The following UGGT1 variants were observed in gnomAD, a reference collection of about 807,000 sequenced individuals.
UGGT1 encodes the protein UDP-glucose glycoprotein glucosyltransferase 1.
Under a neutral mutation model 203.9 loss-of-function variants are expected in UGGT1, and 107 were observed. The observed-to-expected ratio is 0.52, with a 90% CI of 0.45 to 0.62. The LOEUF (loss-of-function observed/expected upper bound fraction) is 0.62, where lower values mean the gene tolerates loss of function less well. UGGT1 is among the 20% of genes least tolerant of loss of function. The pLI, the probability that UGGT1 is intolerant of heterozygous loss-of-function variation, is 0.00. For synonymous variants in UGGT1, 628 were observed against 653.5 expected, an observed-to-expected ratio of 0.96 and a Z score of 0.59; for missense variants, 1,673 against 1,867.2, an observed-to-expected ratio of 0.90 and a Z score of 1.92.
chr2:128,108,468 G>A (rs1687703814), intron 4 of UGGT1, among the ~76,000 whole-genome samples: 1 of 152,062 alleles, frequency 6.6e-6, no homozygotes, highest in Non-Finnish European at 1.5e-5. Context: ...AATCGTTGTA[G>A]TAAAGTAATC....
intron 5 of UGGT1, among the ~76,000 whole-genome samples, chr2:128,111,048 G>A (rs7589121): frequency 0.9 from 137,034 of 152,212 alleles, 62,462 homozygotes; most frequent in Non-Finnish European, 0.98. Flanking sequence ...AAGTTTTAAA[G>A]TTTATGAGGA....
chr2:128,151,256 T>A, intron 18 of UGGT1: 1 of 599,334 alleles, frequency 1.7e-6, no homozygotes, highest in Admixed American at 2.2e-5. Context: ...TGCTTGAAAG[T>A]CTTACCTTCC....
At position 128,186,805 on chromosome 2, in the gene UGGT1, C is replaced by A; in HGVS notation, c.4476+6C>A. On this transcript the variant is annotated splice_donor_region_variant and intron_variant, in intron 39 of 40. Transcript: ENST00000259253. ...GGGCAAAAACCATTGATTTGGTAAG[C>A]CGTATGTGGTGTGCTTCTGCATGTT... 6.2e-7 allele frequency: 1 copy of A among 1,605,434 alleles called. No homozygotes were observed. Among genetic ancestry groups the A allele is most frequent in the Non-Finnish European group, 8.5e-7 (1 of 1,173,758 alleles).
intron 29 of UGGT1, 120 bp from the exon 30 acceptor site, chr2:128,173,661 A>T: frequency 8.3e-7 from 1 of 1,199,438 alleles, no homozygotes; most frequent in Non-Finnish European, 1.2e-6. Context: ...TGAATTTCTT[A>T]AAATATGATC....
intron 1 of UGGT1, among the ~76,000 whole-genome samples, chr2:128,096,700 G>A (rs916593122): frequency 2.0e-5 from 3 of 152,132 alleles, no homozygotes; most frequent in African/African-American, 7.2e-5. Context: ...GAGGTACCGG[G>A]GGATAGGATT....
In UGGT1 at chr2:128,174,753, G is replaced by T. The variant is rs1436855787; in HGVS notation, c.3454-20G>T. 3 of 1,600,084 alleles carry T rather than the reference G, an allele frequency of 1.9e-6. No individual in the cohort carries two copies. In the South Asian group the frequency reaches 3.4e-5, roughly 18 times the overall value. ...TTGGTGTTTTGAAGAGAGCTAACTG[G>T]ACTTTTCTTCTTGTCCTAGGGCTAC... is the stretch of plus-strand genomic sequence containing the variant. On this transcript the variant is annotated intron_variant, in intron 30 of 40. Coordinates refer to ENST00000259253, the MANE Select transcript of UGGT1 (RefSeq NM_020120.4).
chr2:128,132,512 C>T (rs1019914233), intron 13 of UGGT1, among the ~76,000 whole-genome samples: 11 of 152,236 alleles, frequency 7.2e-5, no homozygotes, highest in Admixed American at 6.5e-4. Flanking sequence ...TGCTCCACTG[C>T]ACTTCAGCCT....
chr2:128,133,885 G>GA (rs61530259), intron 14 of UGGT1, among the ~76,000 whole-genome samples: 1 of 150,734 alleles, frequency 6.6e-6, no homozygotes, highest in African/African-American at 2.5e-5. Flanking sequence ...GAGAGAGAGA[G>GA]GGTTCTTCAT....
chr2:128,183,872 A>G, intron 38 of UGGT1, 83 bp downstream of exon 38: 4 of 1,009,658 alleles, frequency 4.0e-6, no homozygotes, highest in Non-Finnish European at 6.1e-6. Flanking sequence ...TTGTGTCTTC[A>G]GTCCTCTCCT....
intron 14 of UGGT1, among the ~76,000 whole-genome samples, chr2:128,134,616 T>G (rs1472160448): frequency 6.6e-6 from 1 of 152,190 alleles, no homozygotes; most frequent in Non-Finnish European, 1.5e-5. Flanking sequence ...TTTGGTGTAG[T>G]AGAAAAAGCG....
At chr2:128,115,497 A>C (rs973589971) in intron 7 of UGGT1, among the ~76,000 whole-genome samples, 2 of 151,392 alleles carry the variant, frequency 1.3e-5, no homozygotes, top group Admixed American at 6.6e-5. Flanking sequence ...AAAAAAAAAA[A>C]AAAAAAAACA....
At chr2:128,170,786 C>T (rs1457149973) in intron 27 of UGGT1, among the ~76,000 whole-genome samples, 2 of 152,148 alleles carry the variant, frequency 1.3e-5, no homozygotes, top group Admixed American at 6.5e-5. Flanking sequence ...CAGTGTGTTA[C>T]AATTTTAGGA....
chr2:128,108,645 T>C (rs1687713051), intron 4 of UGGT1, among the ~76,000 whole-genome samples: 1 of 142,434 alleles, frequency 7.0e-6, no homozygotes, highest in Non-Finnish European at 1.5e-5. Flanking sequence ...TTATTTTTTA[T>C]TATAAAATAA....
chr2:128,179,936 CT>C (rs1182463375), intron 35 of UGGT1, 66 bp downstream of exon 35: 3 of 1,484,100 alleles, frequency 2.0e-6, no homozygotes, highest in Non-Finnish European at 2.8e-6. Flanking sequence ...TTTTTCATGA[CT>C]TTTGTTTTAT....
At chr2:128,163,713 C>A (rs76636903) in intron 25 of UGGT1, among the ~76,000 whole-genome samples, 76 of 139,050 alleles carry the variant, frequency 5.5e-4, no homozygotes, top group Admixed American at 6.6e-4. Flanking sequence ...GACTCCGTCT[C>A]AAAAAAAAAA....
intron 11 of UGGT1, among the ~76,000 whole-genome samples, chr2:128,126,220 G>A (rs773235285): frequency 8.6e-5 from 13 of 150,864 alleles, no homozygotes; most frequent in Non-Finnish European, 1.3e-4. Flanking sequence ...GGGATTACAG[G>A]CATGAACCAT....
intron 37 of UGGT1, among the ~76,000 whole-genome samples, chr2:128,182,857 CT>C (rs11367566): frequency 0.59 from 80,987 of 137,550 alleles, 23,550 homozygotes; most frequent in African/African-American, 0.68. Flanking sequence ...AATGTGTATT[CT>C]TTTTTTTTTT....
intron 14 of UGGT1, among the ~76,000 whole-genome samples, chr2:128,133,993 G>T (rs751187465): frequency 1.3e-5 from 2 of 151,778 alleles, no homozygotes; most frequent in Non-Finnish European, 2.9e-5. Flanking sequence ...CTCAGAACTT[G>T]CAGGGAAGAT....
intron 29 of UGGT1, 42 bp from the exon 30 acceptor site, chr2:128,173,738 GT>G (rs1691231944): frequency 6.3e-7 from 1 of 1,597,818 alleles, no homozygotes; most frequent in Non-Finnish European, 8.6e-7. Flanking sequence ...ATTTATTCAT[GT>G]TGTCTCTGAG....
Sources: gnomAD v4.1 joint callset for allele counts (sites outside exome capture counted in the v4.1 genomes callset) on GRCh38, gnomAD v4.1.1 for gene constraint, MANE v1.5 for transcripts, NCBI Gene and HGNC (gene_info 2026-07-23, HGNC 2026-07-21) for gene names.